Variants in ADAM17 observed in about 807,000 individuals in gnomAD.
ADAM17 encodes the protein ADAM metallopeptidase domain 17.
In ADAM17, 39 loss-of-function variants were observed where a neutral mutation model predicts 96.7. The ratio of observed to expected loss-of-function variants is 0.40; its 90% confidence interval spans 0.31 to 0.53. ADAM17 has a LOEUF of 0.53. ADAM17 is among the 20% of genes least tolerant of loss of function. The pLI is 0.44. For synonymous variants in ADAM17, 344 were observed against 359.2 expected, an observed-to-expected ratio of 0.96 and a Z score of 0.48; for missense variants, 777 against 1,013.2, an observed-to-expected ratio of 0.77 and a Z score of 3.17.
intron 1 of ADAM17, among the ~76,000 whole-genome samples, chr2:9,553,375 T>TA (rs200719956): frequency 0.011 from 1,715 of 150,756 alleles, 39 homozygotes; most frequent in African/African-American, 0.04. Flanking sequence ...AATATTTCGT[T>TA]TAAAAAAAAA....
chr2:9,544,388 CG>C (rs918601557), intron 1 of ADAM17, among the ~76,000 whole-genome samples: 2 of 151,778 alleles, frequency 1.3e-5, no homozygotes, highest in African/African-American at 4.8e-5. Context: ...CAAAATTAGC[CG>C]GGCATGGTGG....
intron 5 of ADAM17, chr2:9,527,550 T>C (rs186365667): frequency 6.7e-6 from 2 of 299,790 alleles, no homozygotes; most frequent in Admixed American, 1.0e-4. Context: ...CCATTTCCCT[T>C]TTCCCTAATC....
At chr2:9,505,406 T>C in intron 11 of ADAM17, 41 bp from the exon 12 acceptor site, 1 of 1,549,848 alleles carries the variant, frequency 6.5e-7, no homozygotes, top group Non-Finnish European at 8.9e-7. Context: ...AATAATATCA[T>C]AAAAATGTAT....
chr2:9,512,147 G>GA (rs531431037), intron 10 of ADAM17, among the ~76,000 whole-genome samples: 2 of 151,472 alleles, frequency 1.3e-5, no homozygotes, highest in South Asian at 2.1e-4. Flanking sequence ...ACCGTAGTGG[G>GA]AAAAAAAACT....
At chr2:9,555,460 A>C in intron 1 of ADAM17, 49 bp downstream of exon 1, 2 of 1,485,496 alleles carry the variant, frequency 1.3e-6, no homozygotes, top group Non-Finnish European at 1.8e-6. Context: ...CTCTTCCCTC[A>C]AACGAGCGCT....
intron 17 of ADAM17, 67 bp downstream of exon 17, chr2:9,492,831 G>A (rs2124959804): frequency 1.5e-6 from 2 of 1,372,754 alleles, no homozygotes; most frequent in South Asian, 2.8e-5. Context: ...CTTTTCCAGA[G>A]ATTACATGGT....
chr2:9,511,556 T>A (rs1420615794), intron 10 of ADAM17, among the ~76,000 whole-genome samples: 1 of 152,202 alleles, frequency 6.6e-6, no homozygotes, highest in Non-Finnish European at 1.5e-5. Context: ...GAGGACTTGG[T>A]TTATTAGAAT....
At chr2:9,555,059 T>A (rs1665697520) in intron 1 of ADAM17, among the ~76,000 whole-genome samples, 1 of 151,994 alleles carries the variant, frequency 6.6e-6, no homozygotes, top group Non-Finnish European at 1.5e-5. Context: ...CAGCAGAAAT[T>A]CTAGTTCCCT....
rs570630045 is a variant in ADAM17 at position 9,521,273 on chromosome 2, T to C, written c.887A>G (p.Lys296Arg). ...KSPQEVKPGE[K>R]HYNMAKSYPN... The stretch of plus-strand genomic sequence containing the variant: ...GTAACTTTTTGCCATGTTGTAGTGC[T>C]TTTCACCAGGTTTTACCTCTTGTGG... The change falls in exon 8 of 19, where the codon AAG becomes AGG. Residue 296 changes from lysine (K) to arginine (R), a missense_variant. Coordinates refer to ENST00000310823, the MANE Select transcript of ADAM17 (RefSeq NM_003183.6). The C allele has an allele frequency of 2.5e-6, 4 of 1,612,546 alleles. No individual in the cohort carries two copies. The African/African-American group carries it at 4.0e-5, about 16-fold the overall frequency.
chr2:9,518,793 T>A (rs1240283566), intron 8 of ADAM17, among the ~76,000 whole-genome samples: 1 of 152,150 alleles, frequency 6.6e-6, no homozygotes, highest in African/African-American at 2.4e-5. Flanking sequence ...CACTGCAGGT[T>A]TGAGAGGATT....
chr2:9,540,646 T>G (rs2125038912), intron 2 of ADAM17, among the ~76,000 whole-genome samples: 1 of 152,276 alleles, frequency 6.6e-6, no homozygotes, highest in Non-Finnish European at 1.5e-5. Context: ...AAAATTTGCC[T>G]AAAATAACCA....
At chr2:9,508,741 G>A (rs1050934905) in intron 11 of ADAM17, among the ~76,000 whole-genome samples, 4 of 152,064 alleles carry the variant, frequency 2.6e-5, no homozygotes, top group Non-Finnish European at 4.4e-5. Flanking sequence ...CCCCCGCCCC[G>A]CAGCAGAAAG....
At chr2:9,510,447 C>T (rs1220098584) in intron 10 of ADAM17, among the ~76,000 whole-genome samples, 3 of 151,914 alleles carry the variant, frequency 2.0e-5, no homozygotes, top group East Asian at 1.9e-4. Context: ...AGGTGGATCA[C>T]GAGGTCAGGA....
Position 9,517,943 on chromosome 2 carries a change from A to T in ADAM17, c.1149T>A (p.Gly383=). ...VGKKNIYLNS[G]LTSTKNYGKT... is the part of the protein sequence containing the mutation. ...TACCATAATTCTTTGTGCTCGTCAA[A>T]CCACTATTCAAATAGATATTTTTCT... The change falls in exon 10 of 19, where the codon GGT becomes GGA. Residue 383 remains glycine, a synonymous_variant. Transcript: ENST00000310823. 6.2e-7 allele frequency: 1 copy of T among 1,604,854 alleles called. No homozygotes were observed. Among genetic ancestry groups the T allele is most frequent in the Non-Finnish European group, 8.5e-7 (1 of 1,177,006 alleles).
intron 11 of ADAM17, among the ~76,000 whole-genome samples, chr2:9,508,719 G>A (rs1663560203): frequency 1.3e-5 from 2 of 152,142 alleles, no homozygotes; most frequent in Admixed American, 1.3e-4. Flanking sequence ...GGGCAGAGCA[G>A]ACACAAAACA....
intron 8 of ADAM17, among the ~76,000 whole-genome samples, chr2:9,519,960 A>G (rs1016543515): frequency 1.3e-5 from 2 of 152,246 alleles, no homozygotes; most frequent in African/African-American, 4.8e-5. Context: ...TGTCTCAACC[A>G]ACCTCTCAGG....
intron 1 of ADAM17, among the ~76,000 whole-genome samples, chr2:9,550,903 C>CAAAAAAAAA (rs33972062): frequency 5.0e-3 from 484 of 97,146 alleles, no homozygotes; most frequent in East Asian, 9.8e-3. Flanking sequence ...ACTAAAAATA[C>CAAAAAAAAA]AAAAAAAAAA....
intron 2 of ADAM17, among the ~76,000 whole-genome samples, chr2:9,542,374 T>C (rs1009814692): frequency 2.0e-5 from 3 of 152,164 alleles, no homozygotes; most frequent in African/African-American, 7.2e-5. Flanking sequence ...ACCCTGTTTT[T>C]AAAAATAAAT....
chr2:9,535,880 T>C lies in ADAM17; in HGVS notation c.404A>G (p.Asp135Gly). ...ATCTGTGTTGATTCTGATTATAACA[T>C]CATCATCTCTTATGTGGGCTAGAAC... Reference protein sequence around the residue: ...SRVLAHIRDDDVIIRINTDGA... With the variant: ...SRVLAHIRDDGVIIRINTDGA... The change falls in exon 4 of 19, where the codon GAT (aspartate) becomes GGT (glycine). Residue 135 changes from aspartate to glycine, a missense_variant. Around this residue, in one of 3 missense-constraint regions of ADAM17, gnomAD observed 446 missense variants for 664.7 expected, o/e 0.67. Transcript: ENST00000310823. 6.2e-7 allele frequency: 1 copy of C among 1,606,316 alleles called. No individual in the cohort carries two copies. The highest frequency in any genetic ancestry group is 8.5e-7 in the Non-Finnish European group (1 of 1,176,130).
Sources: gnomAD v4.1 joint callset for allele counts (sites outside exome capture counted in the v4.1 genomes callset) on GRCh38, gnomAD v4.1.1 for gene constraint, gnomAD v4.1.1 regional missense constraint, MANE v1.5 for transcripts, NCBI Gene and HGNC (gene_info 2026-07-23, HGNC 2026-07-21) for gene names.